Variants in RFX3 observed in about 807,000 individuals in gnomAD.
RFX3 encodes transcription factor RFX3.
RFX3 carries 14 observed loss-of-function variants against 98.6 expected under a neutral mutation model. That is an observed-to-expected ratio of 0.14 (90% CI 0.09 to 0.22). The LOEUF (loss-of-function observed/expected upper bound fraction) is 0.22, where lower values mean the gene tolerates loss of function less well. RFX3 is among the 10% of genes least tolerant of loss of function. The probability of loss-of-function intolerance (pLI) is 1.00; values close to 1 mark genes in which losing one functional copy is unlikely to be tolerated. For synonymous variants in RFX3, 383 were observed against 328.4 expected (o/e 1.17, Z -1.80); for missense variants, 639 against 926.9 (o/e 0.69, Z 4.03).
rs760381489 is a variant in RFX3 at position 3,237,972 on chromosome 9, C to CAA, written c.1969-9085_1969-9084dup. Among the ~76,000 whole-genome samples, 812 of 96,758 alleles carry CAA rather than the reference C, an allele frequency of 8.4e-3. 5 individuals are homozygous for CAA. The highest frequency in any genetic ancestry group is 0.013 in the Non-Finnish European group (601 of 45,104). 63.5% of individuals were successfully genotyped at this position (96,758 alleles called of 152,430 possible). ...TGGGTGACAGAGCAAGACCCTGTCT[C>CAA]AAAAAAAAAAAAAAAAAATTGTGTG... On this transcript the variant is annotated intron_variant, in intron 15 of 16. Transcript: ENST00000617270.
At chr9:3,467,044 A>ATG (rs1023128995) in intron 1 of RFX3, among the ~76,000 whole-genome samples, 1 of 144,632 alleles carries the variant, frequency 6.9e-6, no homozygotes, top group Non-Finnish European at 1.5e-5. Context: ...ATATATATAT[A>ATG]TATGTATATA....
chr9:3,360,129 G>C (rs181865254), intron 2 of RFX3, among the ~76,000 whole-genome samples: 1 of 151,974 alleles, frequency 6.6e-6, no homozygotes, highest in East Asian at 1.9e-4. Context: ...TTTACTATTT[G>C]TACTATCTAA....
At chr9:3,435,311 A>C (rs1845024375) in intron 1 of RFX3, among the ~76,000 whole-genome samples, 1 of 152,110 alleles carries the variant, frequency 6.6e-6, no homozygotes, top group African/African-American at 2.4e-5. Context: ...AACACAGCTT[A>C]AACACAAATA....
At chr9:3,394,877 C>T (rs1442073795) in intron 2 of RFX3, 4 of 981,794 alleles carry the variant, frequency 4.1e-6, no homozygotes, top group East Asian at 2.3e-4. Flanking sequence ...AAGCCAACTG[C>T]CCTGCGTATG....
chr9:3,284,883 T>C (rs1256243344), intron 7 of RFX3, among the ~76,000 whole-genome samples: 1 of 151,790 alleles, frequency 6.6e-6, no homozygotes, highest in African/African-American at 2.4e-5. Flanking sequence ...TTACATTTAT[T>C]TTCCGACTCA....
At chr9:3,366,711 T>TTTCTTTC (rs1409207376) in intron 2 of RFX3, among the ~76,000 whole-genome samples, 2 of 134,444 alleles carry the variant, frequency 1.5e-5, no homozygotes, top group South Asian at 2.4e-4. Context: ...TCTTTCTTTC[T>TTTCTTTC]TTCTTTCTTT....
At chr9:3,343,999 AC>A (rs1431324154) in intron 3 of RFX3, among the ~76,000 whole-genome samples, 1 of 152,186 alleles carries the variant, frequency 6.6e-6, no homozygotes, top group Non-Finnish European at 1.5e-5. Context: ...TAAAGAACCT[AC>A]CTTACAAATG....
intron 10 of RFX3, 195 bp from the exon 11 acceptor site, chr9:3,270,720 T>A: frequency 1.5e-6 from 1 of 669,368 alleles, no homozygotes; most frequent in Non-Finnish European, 2.5e-6. Flanking sequence ...GAGCTGTCTA[T>A]GCACATTTGT....
intron 2 of RFX3, among the ~76,000 whole-genome samples, chr9:3,366,841 A>C (rs1479723383): frequency 1.3e-5 from 2 of 151,762 alleles, no homozygotes; most frequent in Non-Finnish European, 2.9e-5. Context: ...AGATAAATGA[A>C]TTATTTATAA....
intron 1 of RFX3, among the ~76,000 whole-genome samples, chr9:3,424,372 T>TG (rs1285931862): frequency 1.6e-5 from 2 of 123,030 alleles, no homozygotes; most frequent in Non-Finnish European, 3.5e-5. Context: ...TTTTTTTTTT[T>TG]TTTTTTTGAG....
intron 1 of RFX3, among the ~76,000 whole-genome samples, chr9:3,480,504 C>A (rs550749220): frequency 6.6e-6 from 1 of 152,274 alleles, no homozygotes; most frequent in East Asian, 1.9e-4. Context: ...TGACTTCACA[C>A]GAGCATGAAT....
chr9:3,331,646 C>T (rs1484091180), intron 3 of RFX3, among the ~76,000 whole-genome samples: 1 of 151,876 alleles, frequency 6.6e-6, no homozygotes, highest in Non-Finnish European at 1.5e-5. Context: ...CCACTTTTTG[C>T]TTTTTACCAT....
intron 1 of RFX3, among the ~76,000 whole-genome samples, chr9:3,399,506 A>G (rs879707615): frequency 1.3e-5 from 2 of 152,176 alleles, no homozygotes; most frequent in Non-Finnish European, 2.9e-5. Flanking sequence ...AAAATTTTAA[A>G]GAGGTGAGCA....
intron 1 of RFX3, among the ~76,000 whole-genome samples, chr9:3,507,540 G>C (rs560525018): frequency 4.0e-5 from 6 of 151,826 alleles, no homozygotes; most frequent in African/African-American, 1.2e-4. Context: ...TCACACCCAG[G>C]GCTGTTCATT....
At chr9:3,504,668 T>C (rs989957978) in intron 1 of RFX3, among the ~76,000 whole-genome samples, 14 of 138,684 alleles carry the variant, frequency 1.0e-4, no homozygotes, top group African/African-American at 3.7e-4. Context: ...ATGGTATATA[T>C]TGCATATAAA....
chr9:3,437,960 C>T (rs965979500), intron 1 of RFX3, among the ~76,000 whole-genome samples: 8 of 151,810 alleles, frequency 5.3e-5, no homozygotes, highest in African/African-American at 1.7e-4. Context: ...AAACTAATGA[C>T]GTATATATTT....
chr9:3,512,115 A>C (rs2133841491), intron 1 of RFX3, among the ~76,000 whole-genome samples: 1 of 147,124 alleles, frequency 6.8e-6, no homozygotes, highest in Non-Finnish European at 1.5e-5. Flanking sequence ...AATAAGAGAA[A>C]TGCTGTGCTG....
intron 1 of RFX3, among the ~76,000 whole-genome samples, chr9:3,401,558 G>A (rs114858434): frequency 0.01 from 1,525 of 152,208 alleles, 24 homozygotes; most frequent in African/African-American, 0.035. Context: ...CACAAATGCC[G>A]TCACATTAAT....
chr9:3,396,993 A>C (rs1840960417), intron 1 of RFX3, among the ~76,000 whole-genome samples: 1 of 152,238 alleles, frequency 6.6e-6, no homozygotes, highest in East Asian at 1.9e-4. Flanking sequence ...ACTAAAATCA[A>C]AATTCGATTA....
Sources: gnomAD v4.1 joint callset for allele counts (sites outside exome capture counted in the v4.1 genomes callset) on GRCh38, gnomAD v4.1.1 for gene constraint, MANE v1.5 for transcripts, NCBI Gene and HGNC (gene_info 2026-07-23, HGNC 2026-07-21) for gene names.